The following DOCK5 variants were observed in gnomAD, a reference collection of about 807,000 sequenced individuals.
The protein encoded by DOCK5 is dedicator of cytokinesis protein 5.
DOCK5 carries 142 observed loss-of-function variants against 251.8 expected under a neutral mutation model. The ratio of observed to expected loss-of-function variants is 0.56; its 90% CI spans 0.49 to 0.65. The LOEUF (loss-of-function observed/expected upper bound fraction) is 0.65. Among genes scored for constraint, DOCK5 ranks in the 30% least tolerant of loss-of-function variants. The pLI is 0.00. For synonymous variants in DOCK5, 842 were observed against 835.5 expected (o/e 1.01, Z -0.13); for missense variants, 2,111 against 2,312.3 (o/e 0.91, Z 1.79).
intron 19 of DOCK5, 30 bp downstream of exon 19, chr8:25,332,378 C>A (rs1805703378): frequency 1.3e-6 from 2 of 1,525,372 alleles, no homozygotes; most frequent in South Asian, 1.1e-5. Flanking sequence ...GTTAGAAATA[C>A]ACATACCTAC....
chr8:25,387,912 G>A (rs540145626), intron 40 of DOCK5, among the ~76,000 whole-genome samples: 4 of 152,162 alleles, frequency 2.6e-5, no homozygotes, highest in East Asian at 1.9e-4. Flanking sequence ...TACAGTTATC[G>A]TCTGCATCAT....
chr8:25,349,478 T>C (rs1189330759), intron 26 of DOCK5, among the ~76,000 whole-genome samples: 2 of 152,212 alleles, frequency 1.3e-5, no homozygotes, highest in Non-Finnish European at 2.9e-5. Flanking sequence ...TGCATGTTTA[T>C]AGCAGCACAA....
At chr8:25,192,260 A>G (rs542447403) in intron 1 of DOCK5, among the ~76,000 whole-genome samples, 1 of 152,196 alleles carries the variant, frequency 6.6e-6, no homozygotes, top group African/African-American at 2.4e-5. Context: ...TAGCAGCATG[A>G]CTTATAATCC....
intron 25 of DOCK5, among the ~76,000 whole-genome samples, chr8:25,343,898 C>T (rs1243018965): frequency 2.0e-5 from 3 of 152,190 alleles, no homozygotes; most frequent in African/African-American, 7.2e-5. Context: ...CTCCACCTCC[C>T]AGGTTCAAGC....
chr8:25,278,779 C>T (rs1048879635), intron 5 of DOCK5, 114 bp downstream of exon 5: 2 of 916,802 alleles, frequency 2.2e-6, no homozygotes. Context: ...GATGCATTCT[C>T]CCTGGATCAC....
intron 2 of DOCK5, among the ~76,000 whole-genome samples, chr8:25,265,736 A>C (rs1336657983): frequency 6.6e-6 from 1 of 151,922 alleles, no homozygotes; most frequent in African/African-American, 2.4e-5. Context: ...GAGGAGAAGA[A>C]TCAGGGAAGA....
intron 3 of DOCK5, among the ~76,000 whole-genome samples, chr8:25,273,054 C>T (rs1011268337): frequency 1.4e-5 from 2 of 147,636 alleles, no homozygotes; most frequent in Admixed American, 6.8e-5. Flanking sequence ...TGATAGTCAG[C>T]AAATCATTTG....
intron 41 of DOCK5, 125 bp from the exon 42 acceptor site, chr8:25,390,081 T>G (rs368757366): frequency 3.2e-6 from 2 of 634,342 alleles, no homozygotes; most frequent in Non-Finnish European, 5.2e-6. Flanking sequence ...GGTCCTGGCA[T>G]TGGGGTCAAA....
chr8:25,259,484 C>T (rs1310627396), intron 2 of DOCK5, among the ~76,000 whole-genome samples: 1 of 152,232 alleles, frequency 6.6e-6, no homozygotes, highest in East Asian at 1.9e-4. Flanking sequence ...AAGAGGCAGT[C>T]TTGCTCTATC....
chr8:25,184,867 T>C lies in DOCK5; in HGVS notation c.-42T>C. The C allele has an allele frequency of 3.0e-6, 4 of 1,336,476 alleles. No homozygotes were observed. Among genetic ancestry groups the C allele is most frequent in the Non-Finnish European group, 3.9e-6 (4 of 1,038,032 alleles). The allele number at this position is 1,336,476 out of a possible 1,614,324, so 82.8% of individuals were successfully genotyped here. A position where few individuals can be genotyped will look rare whatever the true frequency, so the allele number is the denominator to read the frequency against. On this transcript the variant is annotated 5_prime_UTR_variant, in exon 1 of 52. The change abolishes the stop of an existing upstream ORF in the 5' untranslated region. Transcript: ENST00000276440. ...GCGGCGGCCGGAGCCCGAGGAGCTG[T>C]AGCAGCCTTAGTCGCCGCCGCCGCG...
intron 3 of DOCK5, among the ~76,000 whole-genome samples, chr8:25,272,392 G>A (rs1803935045): frequency 6.6e-6 from 1 of 152,180 alleles, no homozygotes; most frequent in South Asian, 2.1e-4. Context: ...GTCTGCTTAT[G>A]ATCTGCTTAG....
chr8:25,195,015 G>T (rs1801686671), intron 1 of DOCK5, among the ~76,000 whole-genome samples: 1 of 151,980 alleles, frequency 6.6e-6, no homozygotes, highest in African/African-American at 2.4e-5. Flanking sequence ...CCACCTCCTG[G>T]GTTCAAGTGA....
rs79080500 is a variant in DOCK5, at chr8:25,214,376, G to A, written c.44-29298G>A. Among the ~76,000 whole-genome samples, 249 of 152,266 alleles carry A rather than the reference G, an allele frequency of 1.6e-3. 2 individuals are homozygous for A. The highest frequency in any genetic ancestry group is 5.7e-3 in the African/African-American group (237 of 41,532). ...GGTGAGCCTGGACCCCGTGTTGGGTGTGTGTCTTGGGGTCAAGGGATCCTG... is the reference window on the plus strand; with the variant it reads ...GGTGAGCCTGGACCCCGTGTTGGGTATGTGTCTTGGGGTCAAGGGATCCTG... On this transcript the variant is annotated intron_variant, in intron 1 of 51. Coordinates refer to ENST00000276440, the MANE Select transcript of DOCK5 (RefSeq NM_024940.8).
Position 25,304,244 on chromosome 8 carries a change from C to T in DOCK5, c.977-11C>T. On this transcript the variant is annotated splice_polypyrimidine_tract_variant and intron_variant, in intron 10 of 51. Coordinates refer to ENST00000276440, the MANE Select transcript of DOCK5 (RefSeq NM_024940.8). ...AATTAGTTTCTTTAATGAAGTTTAT[C>T]TTTTTCCTAGTGATGGATATTACTG... The T allele has an allele frequency of 6.3e-7, 1 of 1,588,588 alleles. No individual in the cohort carries two copies. The highest frequency in any genetic ancestry group is 8.6e-7 in the Non-Finnish European group (1 of 1,168,914).
intron 3 of DOCK5, among the ~76,000 whole-genome samples, chr8:25,272,420 A>G (rs1803935835): frequency 6.6e-6 from 1 of 152,142 alleles, no homozygotes. Flanking sequence ...AAGATTCATC[A>G]CTCTGCATTT....
chr8:25,285,009 A>G (rs1277314532), intron 5 of DOCK5, among the ~76,000 whole-genome samples: 1 of 152,200 alleles, frequency 6.6e-6, no homozygotes, highest in Non-Finnish European at 1.5e-5. Flanking sequence ...GGTTCAGTGA[A>G]TTGTGGTCAA....
intron 18 of DOCK5, among the ~76,000 whole-genome samples, chr8:25,330,400 G>T (rs539509634): frequency 6.6e-6 from 1 of 152,276 alleles, no homozygotes; most frequent in Admixed American, 6.5e-5. Context: ...ACTATGGGAA[G>T]AGTCAAGGAG....
chr8:25,202,110 G>A (rs558629151), intron 1 of DOCK5, among the ~76,000 whole-genome samples: 25 of 152,068 alleles, frequency 1.6e-4, no homozygotes, highest in African/African-American at 5.1e-4. Flanking sequence ...TCTGCCTCCC[G>A]GGTTCACGCG....
chr8:25,336,202 G>A, intron 21 of DOCK5, 37 bp from the exon 22 acceptor site: 1 of 1,594,570 alleles, frequency 6.3e-7, no homozygotes, highest in Non-Finnish European at 8.6e-7. Context: ...GTATCCTGTT[G>A]CTCATTGGCT....
Sources: gnomAD v4.1 joint callset for allele counts (sites outside exome capture counted in the v4.1 genomes callset) on GRCh38, gnomAD v4.1.1 for gene constraint, MANE v1.5 for transcripts, NCBI Gene and HGNC (gene_info 2026-07-23, HGNC 2026-07-21) for gene names.